The following MTUS2 variants were observed in gnomAD, a reference collection of about 807,000 sequenced individuals.
MTUS2 encodes the protein microtubule associated scaffold protein 2, also known as microtubule-associated tumor suppressor candidate 2.
In MTUS2, 40 loss-of-function variants were observed where a neutral mutation model predicts 114.1. The ratio of observed to expected loss-of-function variants is 0.35; its 90% CI spans 0.27 to 0.46. The LOEUF (loss-of-function observed/expected upper bound fraction) is 0.46, where lower values mean the gene tolerates loss of function less well. MTUS2 is among the 20% of genes least tolerant of loss of function. MTUS2 has a pLI of 1.00. For synonymous variants in MTUS2, 688 were observed against 672.0 expected (o/e 1.02, Z -0.37); for missense variants, 1,679 against 1,705.4 (o/e 0.98, Z 0.27).
chr13:29,206,120 G>A (rs753383288), intron 5 of MTUS2, among the ~76,000 whole-genome samples: 3 of 152,114 alleles, frequency 2.0e-5, no homozygotes, highest in South Asian at 2.1e-4. Context: ...GAGTAAGGTG[G>A]TATTGCATTA....
intron 1 of MTUS2, among the ~76,000 whole-genome samples, chr13:28,837,131 C>A (rs1251831625): frequency 6.6e-6 from 1 of 152,194 alleles, no homozygotes; most frequent in Non-Finnish European, 1.5e-5. Context: ...GTTGCCCTAG[C>A]TCCTGTTCTT....
intron 2 of MTUS2, among the ~76,000 whole-genome samples, chr13:28,974,750 A>G (rs917607496): frequency 6.6e-6 from 1 of 152,164 alleles, no homozygotes; most frequent in Non-Finnish European, 1.5e-5. Flanking sequence ...TCTCGGGGCT[A>G]ATAGTAAGAG....
rs57636866 is a variant in MTUS2, at chr13:29,168,888, C to CTG, written c.2644+67947_2644+67948dup. On this transcript the variant is annotated intron_variant, in intron 5 of 15. Coordinates refer to ENST00000612955, the MANE Select transcript of MTUS2 (RefSeq NM_001033602.4). The stretch of plus-strand genomic sequence containing the variant: ...ATTTGTCTCCTTTCACTTTATGAAT[C>CTG]TGTGTGTGTGTGTGTGTGTGTGTGT... Among the ~76,000 whole-genome samples the CTG allele has an allele frequency of 5.2e-3, 726 of 138,478 alleles. 5 individuals carry two copies. The highest frequency in any genetic ancestry group is 9.2e-3 in the African/African-American group (338 of 36,904). 90.8% of individuals were successfully genotyped at this position (138,478 alleles called of 152,430 possible).
chr13:29,131,035 T>C (rs1593509715), intron 5 of MTUS2, among the ~76,000 whole-genome samples: 1 of 152,212 alleles, frequency 6.6e-6, no homozygotes. Flanking sequence ...CCTTCAGCTG[T>C]GTATGGCACT....
intron 7 of MTUS2, among the ~76,000 whole-genome samples, chr13:29,358,581 G>A (rs988304486): frequency 3.9e-5 from 6 of 152,230 alleles, no homozygotes; most frequent in African/African-American, 1.4e-4. Flanking sequence ...TCTGGCTGTG[G>A]CGTAGTGAAG....
intron 5 of MTUS2, among the ~76,000 whole-genome samples, chr13:29,272,389 A>G (rs1056570291): frequency 1.8e-4 from 27 of 152,230 alleles, no homozygotes; most frequent in African/African-American, 6.5e-4. Flanking sequence ...GAGTTTGGCT[A>G]TGATGCCATC....
intron 8 of MTUS2, among the ~76,000 whole-genome samples, chr13:29,398,760 A>C (rs1874105684): frequency 6.6e-6 from 1 of 152,110 alleles, no homozygotes; most frequent in Admixed American, 6.5e-5. Context: ...AAAATCACAA[A>C]ACACACACAC....
chr13:29,268,291 G>A (rs1897744251), intron 5 of MTUS2, among the ~76,000 whole-genome samples: 1 of 152,172 alleles, frequency 6.6e-6, no homozygotes, highest in Admixed American at 6.5e-5. Context: ...ATGGACAGCG[G>A]ATTTGAGGAA....
intron 14 of MTUS2, among the ~76,000 whole-genome samples, chr13:29,499,961 G>A (rs1174105254): frequency 1.3e-5 from 2 of 152,250 alleles, no homozygotes; most frequent in Non-Finnish European, 2.9e-5. Context: ...GCCAGGCCTA[G>A]GGCTGGCGGG....
intron 5 of MTUS2, chr13:29,239,878 T>C (rs907620059): frequency 4.6e-5 from 7 of 152,168 alleles, no homozygotes; most frequent in Non-Finnish European, 8.8e-5. Flanking sequence ...ACTTGATAGA[T>C]TCTGGGGGTA....
intron 5 of MTUS2, among the ~76,000 whole-genome samples, chr13:29,223,770 G>A (rs577242525): frequency 6.6e-6 from 1 of 152,230 alleles, no homozygotes; most frequent in African/African-American, 2.4e-5. Flanking sequence ...GAGAGGATCT[G>A]TGGCCCTCCT....
At chr13:29,054,678 C>T (rs1211645689) in intron 4 of MTUS2, among the ~76,000 whole-genome samples, 1 of 151,964 alleles carries the variant, frequency 6.6e-6, no homozygotes, top group East Asian at 1.9e-4. Context: ...AATTTTACCA[C>T]AATCAAAAAA....
chr13:29,141,308 C>A (rs147690083), intron 5 of MTUS2, among the ~76,000 whole-genome samples: 153 of 152,236 alleles, frequency 1.0e-3, no homozygotes, highest in African/African-American at 3.6e-3. Flanking sequence ...CCCAGGAGCA[C>A]AAGAGAGGAG....
At chr13:29,308,078 A>T (rs538669961) in intron 6 of MTUS2, among the ~76,000 whole-genome samples, 1 of 152,356 alleles carries the variant, frequency 6.6e-6, no homozygotes, top group Admixed American at 6.5e-5. Context: ...ATGGAACCAA[A>T]AAAGATCCTG....
At chr13:29,372,843 G>A (rs775524046) in intron 8 of MTUS2, among the ~76,000 whole-genome samples, 4 of 152,150 alleles carry the variant, frequency 2.6e-5, no homozygotes, top group Non-Finnish European at 5.9e-5. Flanking sequence ...TTGAGTTCCA[G>A]TTCAGGGTAA....
At chr13:29,415,556 G>T (rs1313617180) in intron 8 of MTUS2, among the ~76,000 whole-genome samples, 1 of 152,078 alleles carries the variant, frequency 6.6e-6, no homozygotes, top group East Asian at 1.9e-4. Flanking sequence ...TCCTGGAATT[G>T]CTTTATCTAT....
intron 9 of MTUS2, among the ~76,000 whole-genome samples, chr13:29,465,485 C>T (rs551164331): frequency 4.6e-5 from 7 of 152,270 alleles, no homozygotes; most frequent in East Asian, 3.9e-4. Context: ...TCCCCGGTAA[C>T]GCATTTAACA....
intron 2 of MTUS2, among the ~76,000 whole-genome samples, chr13:29,006,150 G>A (rs557530139): frequency 6.6e-6 from 1 of 152,316 alleles, no homozygotes; most frequent in South Asian, 2.1e-4. Context: ...TGGAGCAGCT[G>A]TAAGCTGGGG....
Position 29,461,020 on chromosome 13 carries a change from A to G in MTUS2, c.3185-19130A>G, listed in dbSNP as rs141990685. ...TCTTAGTCCATTTTGTGCTGTTATA[A>G]TAGTGTCTGAGACTGGAATTGATAA... On this transcript the variant is annotated intron_variant, in intron 9 of 15. Coordinates refer to ENST00000612955, the MANE Select transcript of MTUS2 (RefSeq NM_001033602.4). Among the ~76,000 whole-genome samples the G allele has an allele frequency of 2.5e-4, 38 of 152,300 alleles. No individual in the cohort carries two copies. The East Asian group carries it at 7.1e-3, about 29-fold the overall frequency.
Sources: gnomAD v4.1 joint callset for allele counts (sites outside exome capture counted in the v4.1 genomes callset) on GRCh38, gnomAD v4.1.1 for gene constraint, MANE v1.5 for transcripts, NCBI Gene and HGNC (gene_info 2026-07-23, HGNC 2026-07-21) for gene names.